HDAC4: variants seen among roughly 807,000 people sequenced by gnomAD.
HDAC4 encodes the protein histone deacetylase A.
A neutral mutation model predicts 135.1 loss-of-function variants in HDAC4; 16 were observed. That is an observed-to-expected ratio of 0.12 (90% CI 0.08 to 0.18). HDAC4 has a LOEUF of 0.18. Ranked by LOEUF, HDAC4 falls within the 10% of genes least tolerant of loss-of-function variation. HDAC4 has a pLI of 1.00. For missense variants in HDAC4, 1,143 were observed against 1,511.8 expected, an observed-to-expected ratio of 0.76 and a Z score of 4.05; for synonymous variants, 685 against 653.4, an observed-to-expected ratio of 1.05 and a Z score of -0.74.
intron 2 of HDAC4, among the ~76,000 whole-genome samples, chr2:239,258,836 A>G (rs1195568946): frequency 6.6e-6 from 1 of 152,240 alleles, no homozygotes; most frequent in Admixed American, 6.5e-5. Flanking sequence ...CAATGTAAAC[A>G]AACTAAAGGC....
At chr2:239,380,989 G>A (rs911594330) in intron 1 of HDAC4, among the ~76,000 whole-genome samples, 10 of 152,192 alleles carry the variant, frequency 6.6e-5, no homozygotes, top group African/African-American at 2.2e-4. Flanking sequence ...CCTGATAGCT[G>A]AGAAAATGAC....
chr2:239,258,049 T>C (rs1299194917), intron 2 of HDAC4, among the ~76,000 whole-genome samples: 3 of 151,928 alleles, frequency 2.0e-5, no homozygotes, highest in Non-Finnish European at 1.5e-5. Context: ...GTTTTAGAAA[T>C]AGATTTTAAA....
Position 239,051,058 on chromosome 2 carries a change from T to C in HDAC4, c.*2039A>G, listed in dbSNP as rs936875711. On this transcript the variant is annotated 3_prime_UTR_variant, in exon 27 of 27. Transcript: ENST00000543185. ...GAAAACTCAAGTTAGAATTCTATCC[T>C]GACGATGTGGTCAGAGAAGTTTAAA... 2 of 152,782 alleles carry C rather than the reference T, an allele frequency of 1.3e-5. No homozygotes were observed. The highest frequency in any genetic ancestry group is 6.5e-5 in the Admixed American group (1 of 15,310). 9.5% of individuals were successfully genotyped at this position (152,782 alleles called of 1,614,324 possible). A position where few individuals can be genotyped will look rare whatever the true frequency, so the allele number is the denominator to read the frequency against.
At position 239,069,817 on chromosome 2, in the gene HDAC4, C is replaced by A. The variant is rs182720952; in HGVS notation, c.2751-1210G>T. ...GAGAGGGAGTCACGGTGCAAGCCAG[C>A]AAGCCCCACTGCACTTGCTTAGTGA... On this transcript the variant is annotated intron_variant, in intron 22 of 26. Coordinates refer to ENST00000543185, the MANE Select transcript of HDAC4 (RefSeq NM_001378414.1). Among the ~76,000 whole-genome samples the A allele has an allele frequency of 2.0e-3, 301 of 152,124 alleles. 2 individuals carry two copies. Among genetic ancestry groups the A allele is most frequent in the African/African-American group, 6.7e-3 (277 of 41,448 alleles).
intron 25 of HDAC4, among the ~76,000 whole-genome samples, chr2:239,054,092 C>T (rs1244832786): frequency 6.6e-6 from 1 of 151,968 alleles, no homozygotes; most frequent in Non-Finnish European, 1.5e-5. Context: ...TGGGCCTGGC[C>T]CAGGGTCAGC....
chr2:239,079,661 C>T (rs535372153), intron 22 of HDAC4, among the ~76,000 whole-genome samples: 10 of 152,196 alleles, frequency 6.6e-5, no homozygotes, highest in Non-Finnish European at 1.0e-4. Flanking sequence ...CCTCACCTGC[C>T]GGAGACGTGC....
chr2:239,274,957 A>C (rs575086764), intron 2 of HDAC4, among the ~76,000 whole-genome samples: 2 of 152,358 alleles, frequency 1.3e-5, no homozygotes, highest in Middle Eastern at 6.8e-3. Flanking sequence ...TAATCTTTGC[A>C]AAGAGCCCTG....
At chr2:239,079,940 C>A (rs1376985853) in intron 22 of HDAC4, among the ~76,000 whole-genome samples, 2 of 148,482 alleles carry the variant, frequency 1.3e-5, no homozygotes, top group Non-Finnish European at 2.9e-5. Context: ...TGCATCCACA[C>A]CCACACAGAT....
chr2:239,144,037 G>A (rs3791480), intron 8 of HDAC4, among the ~76,000 whole-genome samples: 105,717 of 151,872 alleles, frequency 0.7, 37,632 homozygotes, highest in South Asian at 0.91. Flanking sequence ...GGGTCTGCTC[G>A]GTCTTGTCCT....
At chr2:239,211,130 T>C (rs545255878) in intron 3 of HDAC4, among the ~76,000 whole-genome samples, 1 of 152,368 alleles carries the variant, frequency 6.6e-6, no homozygotes, top group South Asian at 2.1e-4. Context: ...CTAGCTTTCA[T>C]GCATCGAAAA....
chr2:239,163,847 C>G lies in HDAC4; in HGVS notation c.567G>C (p.Arg189=), dbSNP rs141942329. Residue 189 remains arginine (R), a synonymous_variant, in exon 6 of 27, where the codon CGG becomes CGC. Transcript: ENST00000543185. ...CGCTGGAAATGCAGTGGTTCAGATT[C>G]CGGTGGGCCAGCGCCTTCTTTTTAT... ...VLNKKKALAH[R]NLNHCISSDP... The G allele has an allele frequency of 1.2e-5, 19 of 1,614,062 alleles. No individual in the cohort carries two copies. In the East Asian group the frequency reaches 4.0e-4, roughly 34 times the overall value.
intron 3 of HDAC4, among the ~76,000 whole-genome samples, chr2:239,193,167 C>T (rs2045118413): frequency 6.6e-6 from 1 of 152,236 alleles, no homozygotes; most frequent in Non-Finnish European, 1.5e-5. Flanking sequence ...TGCTGTCACC[C>T]AAGGTCCCAT....
rs2041395293 is a variant in HDAC4 at position 239,141,804 on chromosome 2, A to T, written c.866-2008T>A. On this transcript the variant is annotated intron_variant, in intron 8 of 26. Coordinates refer to ENST00000543185, the MANE Select transcript of HDAC4 (RefSeq NM_001378414.1). This position sits in a 1 kb window ranked among gnomAD's most constrained non-coding sequence, Gnocchi z 4.9. ...AACTTTTTGGGGCGGTAAAAATTAT[A>T]TGTGTAACTTTCCACCCACTTTTAA... 6.6e-6 allele frequency among the ~76,000 whole-genome samples: 1 copy of T among 152,176 alleles called. No individual in the cohort carries two copies. Among genetic ancestry groups the T allele is most frequent in the African/African-American group, 2.4e-5 (1 of 41,434 alleles).
At chr2:239,192,593 C>T (rs553690117) in intron 3 of HDAC4, among the ~76,000 whole-genome samples, 2 of 152,130 alleles carry the variant, frequency 1.3e-5, no homozygotes, top group East Asian at 3.9e-4. Flanking sequence ...GCACTGGGGG[C>T]TACGGGTCCG....
chr2:239,294,686 T>C (rs1390079410), intron 2 of HDAC4, among the ~76,000 whole-genome samples: 4 of 150,352 alleles, frequency 2.7e-5, no homozygotes, highest in Admixed American at 1.3e-4. Flanking sequence ...GAACAGGGAG[T>C]TGGAAGGAAG....
chr2:239,244,300 T>A (rs553602889), intron 2 of HDAC4, among the ~76,000 whole-genome samples: 14 of 152,276 alleles, frequency 9.2e-5, no homozygotes, highest in African/African-American at 2.6e-4. Context: ...GCTGGGAGGA[T>A]TGGCCATGAG....
chr2:239,270,082 T>C (rs1559308663), intron 2 of HDAC4, among the ~76,000 whole-genome samples: 1 of 152,210 alleles, frequency 6.6e-6, no homozygotes. Flanking sequence ...GCCTACTCTC[T>C]GGATGAGCTC....
intron 1 of HDAC4, among the ~76,000 whole-genome samples, chr2:239,397,379 G>A (rs1340426732): frequency 6.6e-6 from 1 of 152,192 alleles, no homozygotes; most frequent in Non-Finnish European, 1.5e-5. Context: ...CTCATCTGGC[G>A]TCAGCTACGG....
chr2:239,144,590 A>T lies in HDAC4; in HGVS notation c.858T>A (p.Asp286Glu). Reference protein sequence around the residue: ...VVTALKKRPLDVTDSACSSAP... With the variant: ...VVTALKKRPLEVTDSACSSAP... ...CCTGCTCAGCCGACATACCTGTGAC[A>T]TCCAACGGACGCTTTTTTAGAGCAG... The change falls in exon 8 of 27, where the codon GAT becomes GAA. Residue 286 changes from aspartate to glutamate, a missense_variant. By Grantham distance (45) the Asp-to-Glu change is conservative (BLOSUM62 2). Around this residue, in one of 9 missense-constraint regions of HDAC4, gnomAD observed 272 missense variants for 309.7 expected, o/e 0.88. Transcript: ENST00000543185. The T allele has an allele frequency of 1.2e-6, 2 of 1,613,956 alleles. No homozygotes were observed. Among genetic ancestry groups the T allele is most frequent in the South Asian group, 2.2e-5 (2 of 91,076 alleles).
Sources: allele counts gnomAD v4.1 joint callset (sites outside exome capture counted in the v4.1 genomes callset), GRCh38; gene constraint gnomAD v4.1.1; regional missense constraint gnomAD v4.1.1; non-coding constraint Gnocchi (gnomAD v3.1); transcripts MANE v1.5; gene names NCBI Gene and HGNC (gene_info 2026-07-23, HGNC 2026-07-21).